The following SGSM2 variants were observed in gnomAD, a reference collection of about 807,000 sequenced individuals.
The protein encoded by SGSM2 is RUN and TBC1 domain containing 1.
SGSM2 carries 89 observed loss-of-function variants against 126.6 expected under a neutral mutation model. The observed-to-expected ratio is 0.70, with a 90% CI of 0.59 to 0.84. The LOEUF (loss-of-function observed/expected upper bound fraction) is 0.84. Ranked by LOEUF, SGSM2 falls within the 40% of genes least tolerant of loss-of-function variation. The pLI, the probability that SGSM2 is intolerant of heterozygous loss-of-function variation, is 0.00. For synonymous variants in SGSM2, 614 were observed against 574.3 expected, an observed-to-expected ratio of 1.07 and a Z score of -0.99; for missense variants, 1,404 against 1,416.6, an observed-to-expected ratio of 0.99 and a Z score of 0.14.
At chr17:2,351,732 T>G (rs2064861698) in intron 2 of SGSM2, among the ~76,000 whole-genome samples, 1 of 152,146 alleles carries the variant, frequency 6.6e-6, no homozygotes, top group African/African-American at 2.4e-5. Flanking sequence ...GCTACTTTTT[T>G]GTATTTTTGT....
In SGSM2 at chr17:2,379,606, C is replaced by A. The variant is rs2066331925; in HGVS notation, c.*86C>A. On this transcript the variant is annotated 3_prime_UTR_variant, in exon 24 of 24. Transcript: ENST00000268989. ...GAGTCACCGCCCAGACCTCCCCAGC[C>A]ACCAACCGACCCCACCTCTGTTCCT... 1 of 1,534,834 alleles carries A rather than the reference C, an allele frequency of 6.5e-7. No individual in the cohort carries two copies. Among genetic ancestry groups the A allele is most frequent in the African/African-American group, 1.4e-5 (1 of 73,812 alleles).
At position 2,379,697 on chromosome 17, in the gene SGSM2, C is replaced by A; in HGVS notation, c.*177C>A. The A allele has an allele frequency of 1.4e-6, 2 of 1,423,424 alleles. No homozygotes were observed. The highest frequency in any genetic ancestry group is 1.8e-6 in the Non-Finnish European group (2 of 1,088,098). The allele number at this position is 1,423,424 out of a possible 1,614,324, so 88.2% of individuals were successfully genotyped here. ...CTGACCCTGCAGGGCAAGTCAGGGGCCAGGATGCCCTCGGATCAGGGCCGG... is the reference window on the plus strand; with the variant it reads ...CTGACCCTGCAGGGCAAGTCAGGGGACAGGATGCCCTCGGATCAGGGCCGG... On this transcript the variant is annotated 3_prime_UTR_variant, in exon 24 of 24. Transcript: ENST00000268989.
chr17:2,361,764 C>A lies in SGSM2; in HGVS notation c.261C>A (p.His87Gln), dbSNP rs77994190. 1.2e-3 allele frequency: 1,890 copies of A among 1,612,530 alleles called. 44 individuals are homozygous for A. The East Asian group carries it at 0.034, about 29-fold the overall frequency. Residue 87 changes from histidine (H) to glutamine (Q), a missense_variant, in exon 3 of 24, where the codon CAC (histidine) becomes CAA (glutamine). Transcript: ENST00000268989. ...GCCCAGTGGCGGGGGAGATTTGCCA[C>A]AAGGTACAGGAGCTGCAGCAACAAG... ...KTCPVAGEIC[H>Q]KVQELQQQAE... is the part of the protein sequence containing the mutation.
chr17:2,379,450 A>C lies in SGSM2; in HGVS notation c.3086A>C (p.Asp1029Ala). 6.2e-7 allele frequency: 1 copy of C among 1,613,366 alleles called. No homozygotes were observed. The highest frequency in any genetic ancestry group is 2.2e-5 in the East Asian group (1 of 44,864). Residue 1029 changes from aspartate (D) to alanine (A), a missense_variant, in exon 24 of 24, where the codon GAT (aspartate) becomes GCT (alanine). Transcript: ENST00000268989. Reference protein sequence around the residue: ...KFFNERAEHHDAQEILRIARD... With the variant: ...KFFNERAEHHAAQEILRIARD... Reference sequence around the variant, plus strand: ...CCCCCAGAACGTGCTGAGCATCACGATGCCCAGGAGATCCTGCGGATTGCC... The same window carrying C: ...CCCCCAGAACGTGCTGAGCATCACGCTGCCCAGGAGATCCTGCGGATTGCC...
In SGSM2 at chr17:2,378,955, T is replaced by C. The variant is rs1597402262; in HGVS notation, c.2900-81T>C. ...GCCTCAGCCTCAGCCCCAGCCTCAA[T>C]CCCAGCCTCAGCCTCAATCCCAGCC... On this transcript the variant is annotated intron_variant, in intron 22 of 23. Coordinates refer to ENST00000268989, the MANE Select transcript of SGSM2 (RefSeq NM_014853.3). 12 of 1,491,990 alleles carry C rather than the reference T, an allele frequency of 8.0e-6. No homozygotes were observed. The Middle Eastern group carries it at 1.8e-3, about 219-fold the overall frequency. 92.4% of individuals were successfully genotyped at this position (1,491,990 alleles called of 1,614,324 possible).
intron 2 of SGSM2, among the ~76,000 whole-genome samples, chr17:2,354,890 T>G (rs34540688): frequency 7.3e-6 from 1 of 137,674 alleles, no homozygotes. Context: ...GTGTAAGCGT[T>G]GGGGAAGGGA....
At position 2,367,009 on chromosome 17, in the gene SGSM2, C is replaced by A; in HGVS notation, c.1289-262C>A. On this transcript the variant is annotated intron_variant, in intron 11 of 23. Coordinates refer to ENST00000268989, the MANE Select transcript of SGSM2 (RefSeq NM_014853.3). This position sits in a 1 kb window ranked among gnomAD's most constrained non-coding sequence, Gnocchi z 4.0. The stretch of plus-strand genomic sequence containing the variant: ...AGTCCCGGTCTTTCACATCCTCCCA[C>A]CTCTGTTCTCTCTCTTCTGTTCTTC... The A allele has an allele frequency of 2.2e-6, 1 of 454,332 alleles. No individual in the cohort carries two copies. The highest frequency in any genetic ancestry group is 4.0e-6 in the Non-Finnish European group (1 of 249,488). The allele number at this position is 454,332 out of a possible 1,614,324, so 28.1% of individuals were successfully genotyped here. A position where few individuals can be genotyped will look rare whatever the true frequency, so the allele number is the denominator to read the frequency against.
intron 2 of SGSM2, among the ~76,000 whole-genome samples, chr17:2,349,842 C>T (rs758435308): frequency 4.0e-5 from 6 of 150,324 alleles, no homozygotes; most frequent in African/African-American, 7.3e-5. Flanking sequence ...GGCTGGAGTG[C>T]AATGGAGCGG....
At chr17:2,345,978 C>T (rs146784024) in intron 2 of SGSM2, among the ~76,000 whole-genome samples, 9,595 of 152,090 alleles carry the variant, frequency 0.063, 435 homozygotes, top group Middle Eastern at 0.12. Context: ...TTGCGGGGGA[C>T]GGGGAGGGAA....
At chr17:2,340,171 G>C (rs1364569642) in intron 1 of SGSM2, among the ~76,000 whole-genome samples, 2 of 151,708 alleles carry the variant, frequency 1.3e-5, no homozygotes, top group Non-Finnish European at 2.9e-5. Context: ...CTGGAGTGCA[G>C]TGGTGCGATC....
Position 2,377,866 on chromosome 17 carries a change from T to G in SGSM2, c.2812T>G (p.Ser938Ala). The change falls in exon 22 of 24, where the codon TCA becomes GCA. Residue 938 changes from serine (S) to alanine (A), a missense_variant. By Grantham distance (99) the Ser-to-Ala change is moderately conservative. Coordinates refer to ENST00000268989, the MANE Select transcript of SGSM2 (RefSeq NM_014853.3). Reference protein sequence around the residue: ...NMRSLIQILDSELFELMHQNG... With the variant: ...NMRSLIQILDAELFELMHQNG... ...TTCCCACCCACATAAGATCCTGGAC[T>G]CAGAGCTGTTTGAGCTGATGCATCA... The G allele has an allele frequency of 6.2e-7, 1 of 1,609,038 alleles. No individual in the cohort carries two copies. The highest frequency in any genetic ancestry group is 8.5e-7 in the Non-Finnish European group (1 of 1,175,516).
intron 2 of SGSM2, among the ~76,000 whole-genome samples, chr17:2,360,489 C>T (rs2065264287): frequency 6.6e-6 from 1 of 152,244 alleles, no homozygotes; most frequent in African/African-American, 2.4e-5. Flanking sequence ...CTCTTAGAGG[C>T]TAGCTGTAGA....
Position 2,372,092 on chromosome 17 carries a change from G to A in SGSM2, c.1578-98G>A. 7.0e-7 allele frequency: 1 copy of A among 1,418,620 alleles called. No homozygotes were observed. Among genetic ancestry groups the A allele is most frequent in the Non-Finnish European group, 9.8e-7 (1 of 1,015,946 alleles). 87.9% of individuals were successfully genotyped at this position (1,418,620 alleles called of 1,614,324 possible). ...TCCTCCTCCTCGCACCCTCCCCAGTGCCTTACCTGCCCCCCAGGACAGAGC... is the reference window on the plus strand; with the variant it reads ...TCCTCCTCCTCGCACCCTCCCCAGTACCTTACCTGCCCCCCAGGACAGAGC... On this transcript the variant is annotated intron_variant, in intron 13 of 23. Transcript: ENST00000268989. This position sits in a 1 kb window ranked among gnomAD's most constrained non-coding sequence, Gnocchi z 6.0.
intron 22 of SGSM2, among the ~76,000 whole-genome samples, chr17:2,378,328 C>G (rs1274842355): frequency 6.6e-6 from 1 of 152,028 alleles, no homozygotes; most frequent in Non-Finnish European, 1.5e-5. Context: ...GTAATCCCAG[C>G]ACTTTGGGAG....
At chr17:2,339,342 A>T (rs1209366450) in intron 1 of SGSM2, among the ~76,000 whole-genome samples, 2 of 152,102 alleles carry the variant, frequency 1.3e-5, no homozygotes. Context: ...AGGCTGTGGC[A>T]GGAGAATCGC....
At chr17:2,370,270 C>T (rs925892571) in intron 12 of SGSM2, among the ~76,000 whole-genome samples, 1 of 152,270 alleles carries the variant, frequency 6.6e-6, no homozygotes, top group Admixed American at 6.5e-5. Context: ...TCCACTTCCT[C>T]TCTCACTTTG....
Position 2,361,696 on chromosome 17 carries a change from A to G in SGSM2, c.193A>G (p.Ser65Gly). The change falls in exon 3 of 24, where the codon AGT (serine) becomes GGT (glycine). Residue 65 changes from serine (S) to glycine (G), a missense_variant. Physicochemically the swap from Ser to Gly is moderately conservative, Grantham distance 56. Transcript: ENST00000268989. ...ACGCCGTGCCGCTGGCTTCCTGCGC[A>G]GTGACAAGATGGCAGCCCTGTTCAC... ...LRRRAAGFLR[S>G]DKMAALFTKV... The G allele has an allele frequency of 2.5e-6, 4 of 1,613,988 alleles. No homozygotes were observed. Among genetic ancestry groups the G allele is most frequent in the South Asian group, 1.1e-5 (1 of 91,088 alleles).
chr17:2,373,048 C>G lies in SGSM2; in HGVS notation c.1884C>G (p.Tyr628Ter). The change falls in exon 16 of 24, where the codon TAC becomes TAG. Residue 628 changes from tyrosine to a stop codon, truncating the protein, a stop_gained. Transcript: ENST00000268989. LOFTEE classifies it high-confidence loss of function. ...TCTGGCCCTTTCTGCTTGGCCACTA[C>G]AAGTTCGGCATGAGCAAGAAGGAGA... ...KDVWPFLLGH[Y>*]KFGMSKKEME... The G allele has an allele frequency of 1.9e-6, 3 of 1,609,646 alleles. No individual in the cohort carries two copies. The South Asian group carries it at 3.3e-5, about 18-fold the overall frequency.
In SGSM2 at chr17:2,367,456, G is replaced by A. The variant is rs555872837; in HGVS notation, c.1423+51G>A. On this transcript the variant is annotated intron_variant, in intron 12 of 23. Transcript: ENST00000268989. This position sits in a 1 kb window ranked among gnomAD's most constrained non-coding sequence, Gnocchi z 4.0. ...CCACCTCATCCCCACCCTCCCTCCC[G>A]GGCCCGCCTGCCACCCACCACAGGG... 185 of 1,362,044 alleles carry A rather than the reference G, an allele frequency of 1.4e-4. 1 individual carries two copies. Among genetic ancestry groups the A allele is most frequent in the East Asian group, 4.6e-4 (15 of 32,618 alleles). The allele number at this position is 1,362,044 out of a possible 1,614,324, so 84.4% of individuals were successfully genotyped here. A position where few individuals can be genotyped will look rare whatever the true frequency, so the allele number is the denominator to read the frequency against.
Sources: allele counts gnomAD v4.1 joint callset (sites outside exome capture counted in the v4.1 genomes callset), GRCh38; gene constraint gnomAD v4.1.1; non-coding constraint Gnocchi (gnomAD v3.1); transcripts MANE v1.5; gene names NCBI Gene and HGNC (gene_info 2026-07-23, HGNC 2026-07-21).